Variants in CSMD1 observed in about 807,000 individuals in gnomAD.
The protein encoded by CSMD1 is CUB and Sushi multiple domains 1.
A neutral mutation model predicts 417.5 loss-of-function variants in CSMD1; 213 were observed. The ratio of observed to expected loss-of-function variants is 0.51; its 90% confidence interval spans 0.46 to 0.57. The LOEUF is 0.57. Ranked by LOEUF, CSMD1 falls within the 20% of genes least tolerant of loss-of-function variation. CSMD1 has a pLI of 0.00. For missense variants in CSMD1, 6,923 were observed against 4,529.7 expected (o/e 1.53, Z -15.17); for synonymous variants, 2,862 against 1,736.8 (o/e 1.65, Z -16.11).
chr8:3,830,382 C>T (rs533443723), intron 5 of CSMD1, among the ~76,000 whole-genome samples: 2 of 152,300 alleles, frequency 1.3e-5, no homozygotes, highest in Admixed American at 6.5e-5. Context: ...CTCAAGGAGA[C>T]GTTACCTGGA....
At chr8:4,206,547 G>A (rs933002540) in intron 3 of CSMD1, among the ~76,000 whole-genome samples, 4 of 152,130 alleles carry the variant, frequency 2.6e-5, no homozygotes, top group African/African-American at 7.2e-5. Context: ...AGTATTCCAT[G>A]GTGTATATGT....
intron 3 of CSMD1, among the ~76,000 whole-genome samples, chr8:4,344,865 T>C (rs1389750760): frequency 1.3e-5 from 2 of 152,132 alleles, no homozygotes; most frequent in African/African-American, 4.8e-5. Context: ...AATATTTACC[T>C]AGCGATAAGG....
rs576705353 is a variant in CSMD1 at position 4,619,773 on chromosome 8, C to T, written c.302+17569G>A. Reference sequence around the variant, plus strand: ...GAAGAACTTGGAAAACCAGGCATGTCCTCACAATTTTGGTATTCATATCAC... The same window carrying T: ...GAAGAACTTGGAAAACCAGGCATGTTCTCACAATTTTGGTATTCATATCAC... On this transcript the variant is annotated intron_variant, in intron 2 of 69. Transcript: ENST00000635120. Among the ~76,000 whole-genome samples the T allele has an allele frequency of 2.0e-5, 3 of 152,138 alleles. No homozygotes were observed. In the East Asian group the frequency reaches 5.8e-4, roughly 29 times the overall value.
chr8:4,414,167 G>A (rs1585038034), intron 3 of CSMD1, among the ~76,000 whole-genome samples: 1 of 152,196 alleles, frequency 6.6e-6, no homozygotes. Context: ...TGAGCTTGAA[G>A]AGTAATAATC....
intron 3 of CSMD1, among the ~76,000 whole-genome samples, chr8:4,167,324 G>T (rs924745677): frequency 6.6e-6 from 1 of 152,184 alleles, no homozygotes; most frequent in East Asian, 1.9e-4. Flanking sequence ...TAACTTAGAG[G>T]TATCTAAGTA....
chr8:3,168,459 T>C (rs763523790), intron 37 of CSMD1, among the ~76,000 whole-genome samples: 1 of 152,152 alleles, frequency 6.6e-6, no homozygotes, highest in Non-Finnish European at 1.5e-5. Flanking sequence ...AAAGTTGAGA[T>C]AATGTGCTGG....
chr8:3,872,208 T>C (rs1805523805), intron 5 of CSMD1, among the ~76,000 whole-genome samples: 1 of 152,220 alleles, frequency 6.6e-6, no homozygotes, highest in Admixed American at 6.5e-5. Flanking sequence ...TGAGATCGTA[T>C]ACTTCATTCT....
At chr8:3,717,812 CCTTT>C (rs1299795242) in intron 6 of CSMD1, among the ~76,000 whole-genome samples, 1 of 152,066 alleles carries the variant, frequency 6.6e-6, no homozygotes, top group Non-Finnish European at 1.5e-5. Flanking sequence ...GTATTTAATT[CCTTT>C]ATCATTAGAA....
chr8:4,430,526 C>G (rs1434755523), intron 2 of CSMD1, among the ~76,000 whole-genome samples: 1 of 152,120 alleles, frequency 6.6e-6, no homozygotes, highest in African/African-American at 2.4e-5. Context: ...AGAAATTACA[C>G]TCTGATAGAC....
intron 31 of CSMD1, among the ~76,000 whole-genome samples, chr8:3,202,423 C>G (rs748139940): frequency 6.6e-6 from 1 of 152,132 alleles, no homozygotes; most frequent in Non-Finnish European, 1.5e-5. Flanking sequence ...TTCATGTATC[C>G]TACAGGTTAT....
intron 1 of CSMD1, among the ~76,000 whole-genome samples, chr8:4,945,657 G>A (rs143616937): frequency 6.6e-6 from 1 of 152,186 alleles, no homozygotes; most frequent in African/African-American, 2.4e-5. Context: ...AATTAGTTTT[G>A]GGAAAGGAGA....
chr8:4,591,861 G>A (rs889494298), intron 2 of CSMD1, among the ~76,000 whole-genome samples: 2 of 152,118 alleles, frequency 1.3e-5, no homozygotes, highest in African/African-American at 2.4e-5. Context: ...AGGGGAGAAA[G>A]TAATGACCAA....
In CSMD1 at chr8:4,220,359, A is replaced by C. The variant is rs114580506; in HGVS notation, c.416-188260T>G. Among the ~76,000 whole-genome samples the C allele has an allele frequency of 8.3e-3, 1,267 of 152,280 alleles. 23 individuals carry two copies. The highest frequency in any genetic ancestry group is 0.029 in the African/African-American group (1,203 of 41,560). On this transcript the variant is annotated intron_variant, in intron 3 of 69. Transcript: ENST00000635120. ...AGCATGTACAACAGCAGGAAAGAGGACCACACCATGAGGAGGACCCACAGA... is the reference window on the plus strand; with the variant it reads ...AGCATGTACAACAGCAGGAAAGAGGCCCACACCATGAGGAGGACCCACAGA...
intron 50 of CSMD1, among the ~76,000 whole-genome samples, chr8:3,030,058 G>C (rs1419695894): frequency 6.6e-6 from 1 of 151,996 alleles, no homozygotes; most frequent in Non-Finnish European, 1.5e-5. Context: ...TTCCAAAAAT[G>C]TTTAACAAGT....
intron 26 of CSMD1, among the ~76,000 whole-genome samples, chr8:3,248,804 C>T (rs981870113): frequency 8.0e-4 from 122 of 152,180 alleles, no homozygotes; most frequent in African/African-American, 2.8e-3. Context: ...ACCCTATTCT[C>T]TTGTTCACTT....
At chr8:3,752,790 T>C (rs1049506425) in intron 6 of CSMD1, among the ~76,000 whole-genome samples, 1 of 147,774 alleles carries the variant, frequency 6.8e-6, no homozygotes, top group Non-Finnish European at 1.5e-5. Context: ...GGGTGGCAAA[T>C]AAAGACTGCT....
intron 26 of CSMD1, among the ~76,000 whole-genome samples, chr8:3,278,025 T>G (rs775221627): frequency 6.6e-6 from 1 of 152,012 alleles, no homozygotes; most frequent in African/African-American, 2.4e-5. Context: ...AATATATGGA[T>G]AGAGAAGAAA....
chr8:3,630,907 G>A (rs1021414272), intron 7 of CSMD1, among the ~76,000 whole-genome samples: 1 of 152,216 alleles, frequency 6.6e-6, no homozygotes, highest in Admixed American at 6.5e-5. Flanking sequence ...GGATTAGAGA[G>A]CCGAGATCTC....
At chr8:2,989,622 A>G (rs1255578913) in intron 54 of CSMD1, among the ~76,000 whole-genome samples, 1 of 152,254 alleles carries the variant, frequency 6.6e-6, no homozygotes, top group Non-Finnish European at 1.5e-5. Flanking sequence ...AAGCTGTGCA[A>G]CAGACATGGT....
Sources: allele counts gnomAD v4.1 joint callset (sites outside exome capture counted in the v4.1 genomes callset), GRCh38; gene constraint gnomAD v4.1.1; transcripts MANE v1.5; gene names NCBI Gene and HGNC (gene_info 2026-07-23, HGNC 2026-07-21).